The following CTNND2 variants were observed in gnomAD, a reference collection of about 807,000 sequenced individuals.
CTNND2 encodes the protein catenin delta-2.
A neutral mutation model predicts 144.4 loss-of-function variants in CTNND2; 22 were observed. The ratio of observed to expected loss-of-function variants is 0.15; its 90% CI spans 0.11 to 0.22. The LOEUF is 0.22. Ranked by LOEUF, CTNND2 falls within the 10% of genes least tolerant of loss-of-function variation. The pLI is 1.00. For synonymous variants in CTNND2, 751 were observed against 695.6 expected (o/e 1.08, Z -1.25); for missense variants, 1,353 against 1,618.8 (o/e 0.84, Z 2.82).
chr5:11,721,821 T>C (rs1302063086), intron 2 of CTNND2, among the ~76,000 whole-genome samples: 3 of 152,230 alleles, frequency 2.0e-5, no homozygotes, highest in Non-Finnish European at 4.4e-5. Flanking sequence ...TCTACTTCCC[T>C]GTAGCCCTGG....
intron 18 of CTNND2, among the ~76,000 whole-genome samples, chr5:10,997,331 C>T (rs542105680): frequency 1.3e-5 from 2 of 152,274 alleles, no homozygotes; most frequent in East Asian, 1.9e-4. Context: ...CGGTGGCTCA[C>T]GCCTGTAATC....
At chr5:11,114,766 T>C (rs939050297) in intron 13 of CTNND2, among the ~76,000 whole-genome samples, 1 of 152,172 alleles carries the variant, frequency 6.6e-6, no homozygotes. Context: ...CCACGCTCTT[T>C]TATGTATTAA....
At chr5:11,771,315 G>A (rs1421021802) in intron 1 of CTNND2, among the ~76,000 whole-genome samples, 1 of 151,672 alleles carries the variant, frequency 6.6e-6, no homozygotes, top group African/African-American at 2.4e-5. Context: ...GCAGAGGCGG[G>A]GTTTCACCAT....
chr5:11,319,824 A>G (rs1159252531), intron 9 of CTNND2, among the ~76,000 whole-genome samples: 1 of 151,586 alleles, frequency 6.6e-6, no homozygotes, highest in Non-Finnish European at 1.5e-5. Flanking sequence ...CATGGCCTGA[A>G]GAAGTCTACA....
intron 16 of CTNND2, among the ~76,000 whole-genome samples, chr5:11,072,055 C>T (rs1365580018): frequency 6.6e-6 from 1 of 152,190 alleles, no homozygotes; most frequent in Non-Finnish European, 1.5e-5. Context: ...CCCATAGACA[C>T]TGGGGGTATT....
intron 3 of CTNND2, among the ~76,000 whole-genome samples, chr5:11,506,702 T>C (rs1771074897): frequency 6.6e-6 from 1 of 152,214 alleles, no homozygotes; most frequent in South Asian, 2.1e-4. Flanking sequence ...AGATAAACAT[T>C]TATTGTAAAC....
intron 9 of CTNND2, among the ~76,000 whole-genome samples, chr5:11,242,733 CCTT>C (rs1349687862): frequency 3.3e-5 from 5 of 152,164 alleles, no homozygotes; most frequent in Non-Finnish European, 7.3e-5. Context: ...ATCTTTCCCT[CCTT>C]GACTGTTGTA....
chr5:11,885,594 T>C (rs1195149808), intron 1 of CTNND2, among the ~76,000 whole-genome samples: 1 of 152,144 alleles, frequency 6.6e-6, no homozygotes, highest in African/African-American at 2.4e-5. Flanking sequence ...TGCAGTATAA[T>C]TCAACAGTCT....
At chr5:11,127,356 C>G (rs1302528043) in intron 12 of CTNND2, among the ~76,000 whole-genome samples, 1 of 152,196 alleles carries the variant, frequency 6.6e-6, no homozygotes, top group African/African-American at 2.4e-5. Context: ...TGTAGTTCCA[C>G]GGCAGGTGGA....
intron 2 of CTNND2, among the ~76,000 whole-genome samples, chr5:11,614,937 A>G (rs2561628): frequency 0.025 from 3,782 of 152,338 alleles, 154 homozygotes; most frequent in African/African-American, 0.086. Flanking sequence ...GAATATACAT[A>G]TAGCAATTAA....
At chr5:11,639,594 T>C (rs1042185474) in intron 2 of CTNND2, among the ~76,000 whole-genome samples, 3 of 152,172 alleles carry the variant, frequency 2.0e-5, no homozygotes, top group African/African-American at 7.2e-5. Flanking sequence ...AAAAATTCCA[T>C]TGCTTAGTAA....
chr5:11,259,594 C>T (rs1744652253), intron 9 of CTNND2, among the ~76,000 whole-genome samples: 1 of 152,180 alleles, frequency 6.6e-6, no homozygotes, highest in Admixed American at 6.5e-5. Flanking sequence ...TTCTTTTAGA[C>T]ACTACGGGTT....
At chr5:11,496,527 G>A (rs1056212208) in intron 3 of CTNND2, among the ~76,000 whole-genome samples, 1 of 152,132 alleles carries the variant, frequency 6.6e-6, no homozygotes, top group African/African-American at 2.4e-5. Flanking sequence ...ATCAGAAAAT[G>A]CACTTGGGGC....
rs897261361 is a variant in CTNND2, at chr5:11,345,988, T to C, written c.1628+384A>G. Among the ~76,000 whole-genome samples the C allele has an allele frequency of 1.9e-4, 29 of 152,276 alleles. 1 individual carries two copies. The highest frequency in any genetic ancestry group is 5.3e-4 in the African/African-American group (22 of 41,554). On this transcript the variant is annotated intron_variant, in intron 9 of 21. Coordinates refer to ENST00000304623, the MANE Select transcript of CTNND2 (RefSeq NM_001332.4). ...GTGTACCCCTTTGCAATCTGATAAA[T>C]AGAAATACGCATGATGACAAAGCAT... is the stretch of plus-strand genomic sequence containing the variant.
intron 5 of CTNND2, among the ~76,000 whole-genome samples, chr5:11,403,103 G>A (rs1285472366): frequency 1.3e-5 from 2 of 152,042 alleles, no homozygotes; most frequent in Admixed American, 1.3e-4. Flanking sequence ...TGTTACATAG[G>A]TATACATGTG....
intron 1 of CTNND2, among the ~76,000 whole-genome samples, chr5:11,873,379 T>C (rs1280780124): frequency 6.6e-6 from 1 of 152,178 alleles, no homozygotes; most frequent in Non-Finnish European, 1.5e-5. Flanking sequence ...TAAGGCAGCA[T>C]GCAGAGGTTA....
chr5:11,054,298 C>T (rs1469595024), intron 16 of CTNND2, among the ~76,000 whole-genome samples: 1 of 152,128 alleles, frequency 6.6e-6, no homozygotes, highest in East Asian at 1.9e-4. Flanking sequence ...CCTAGGAGGT[C>T]AACACTGCAG....
chr5:11,544,122 AG>A (rs1775001350), intron 3 of CTNND2, among the ~76,000 whole-genome samples: 1 of 152,194 alleles, frequency 6.6e-6, no homozygotes, highest in Non-Finnish European at 1.5e-5. Flanking sequence ...AAAAATTTAA[AG>A]GGGACTTTAA....
At chr5:11,536,190 C>T (rs959626309) in intron 3 of CTNND2, among the ~76,000 whole-genome samples, 2 of 152,070 alleles carry the variant, frequency 1.3e-5, no homozygotes, top group African/African-American at 4.8e-5. Flanking sequence ...CAGTCTCCCA[C>T]GTATCTAGGA....
Sources: gnomAD v4.1 joint callset for allele counts (sites outside exome capture counted in the v4.1 genomes callset) on GRCh38, gnomAD v4.1.1 for gene constraint, MANE v1.5 for transcripts, NCBI Gene and HGNC (gene_info 2026-07-23, HGNC 2026-07-21) for gene names.